Variants in DNAI4 observed in about 807,000 individuals in gnomAD.
DNAI4 encodes the protein dynein axonemal intermediate chain 4, also known as WD repeat domain 78.
DNAI4 carries 85 observed loss-of-function variants against 105.8 expected under a neutral mutation model. That is an observed-to-expected ratio of 0.80 (90% CI 0.67 to 0.96). The LOEUF (loss-of-function observed/expected upper bound fraction) is 0.96, where lower values mean the gene tolerates loss of function less well. Among genes scored for constraint, DNAI4 ranks in the 40% least tolerant of loss-of-function variants. DNAI4 has a pLI of 0.00. For missense variants in DNAI4, 1,014 were observed against 1,005.6 expected (o/e 1.01, Z -0.11); for synonymous variants, 352 against 331.5 (o/e 1.06, Z -0.67).
At chr1:66,899,356 A>G (rs1648610774) in intron 2 of DNAI4, among the ~76,000 whole-genome samples, 1 of 152,196 alleles carries the variant, frequency 6.6e-6, no homozygotes, top group African/African-American at 2.4e-5. Context: ...AACAACGTCC[A>G]CCATATTTTC....
chr1:66,816,851 C>T (rs191773289), intron 16 of DNAI4, among the ~76,000 whole-genome samples: 7 of 151,382 alleles, frequency 4.6e-5, no homozygotes, highest in African/African-American at 9.7e-5. Context: ...TAAAAGATTG[C>T]ATAACCAATT....
intron 15 of DNAI4, among the ~76,000 whole-genome samples, chr1:66,824,478 G>A (rs2100350320): frequency 6.6e-6 from 1 of 152,146 alleles, no homozygotes; most frequent in Non-Finnish European, 1.5e-5. Flanking sequence ...GGATGGCATT[G>A]AATCTGTAAA....
At chr1:66,838,684 A>G (rs929158728) in intron 9 of DNAI4, among the ~76,000 whole-genome samples, 1 of 152,200 alleles carries the variant, frequency 6.6e-6, no homozygotes, top group Non-Finnish European at 1.5e-5. Context: ...TTTCAGGCCA[A>G]CGTAATCTCT....
In DNAI4 at chr1:66,836,186, AAGAAAGAAAGAAAGAAAGAAAGAGAG is replaced by A. The variant is rs1298932936; in HGVS notation, c.1582-435_1582-410del. The stretch of plus-strand genomic sequence containing the variant: ...AAAGAAAGAAAGAAAGAAAGAAAGA[AAGAAAGAAAGAAAGAAAGAAAGAGAG>A]AGAGAGAGAGAGAGAGAGAGAGAAA... On this transcript the variant is annotated intron_variant, in intron 10 of 16. Transcript: ENST00000371026. Among the ~76,000 whole-genome samples, 621 of 65,714 alleles carry A rather than the reference AAGAAAGAAAGAAAGAAAGAAAGAGAG, an allele frequency of 9.5e-3. 10 individuals are homozygous for A. Among genetic ancestry groups the A allele is most frequent in the East Asian group, 0.023 (77 of 3,310 alleles). 43.1% of individuals were successfully genotyped at this position (65,714 alleles called of 152,430 possible).
At position 66,871,405 on chromosome 1, in the gene DNAI4, T is replaced by A; in HGVS notation, c.905A>T (p.Asp302Val). Residue 302 changes from aspartate (D) to valine (V), a missense_variant, in exon 6 of 17, where the codon GAT becomes GTT. By Grantham distance (152) the Asp-to-Val change is radical (BLOSUM62 -3). Transcript: ENST00000371026. ...QTFNGAPKNKDVQCDKIIMED... is the reference protein window; with the variant it reads ...QTFNGAPKNKVVQCDKIIMED... Reference sequence around the variant, plus strand: ...CATTATGATTTTATCACATTGAACATCTTTATTCTTTGGTGCTCCATTGAA... The same window carrying A: ...CATTATGATTTTATCACATTGAACAACTTTATTCTTTGGTGCTCCATTGAA... 1 of 1,611,342 alleles carries A rather than the reference T, an allele frequency of 6.2e-7. No homozygotes were observed. Among genetic ancestry groups the A allele is most frequent in the Non-Finnish European group, 8.5e-7 (1 of 1,178,442 alleles).
chr1:66,886,256 A>G (rs898141990), intron 4 of DNAI4, among the ~76,000 whole-genome samples: 2 of 152,168 alleles, frequency 1.3e-5, no homozygotes, highest in Admixed American at 6.5e-5. Flanking sequence ...TTTCTCCATT[A>G]GATCTCTTAA....
chr1:66,910,917 T>G (rs1479080822), intron 1 of DNAI4, among the ~76,000 whole-genome samples: 2 of 152,202 alleles, frequency 1.3e-5, no homozygotes, highest in African/African-American at 4.8e-5. Context: ...CAGATTTCTG[T>G]GGCCAAATGC....
At position 66,835,777 on chromosome 1, in the gene DNAI4, A is replaced by G. The variant is rs763438950; in HGVS notation, c.1582T>C (p.Trp528Arg). The change falls in exon 11 of 17, where the codon TGG becomes CGG. Residue 528 changes from tryptophan to arginine, a missense_variant and splice_region_variant. Coordinates refer to ENST00000371026, the MANE Select transcript of DNAI4 (RefSeq NM_024763.5). ...ACCWSIKNPMWPERIYQSPYG... is the reference protein window; with the variant it reads ...ACCWSIKNPMRPERIYQSPYG... ...GGACTCTGATAAATACGTTCTGGCC[A>G]CTAAATTTTAAAAAATTACATTTTC... 1.2e-6 allele frequency: 2 copies of G among 1,613,116 alleles called. No individual in the cohort carries two copies. Among genetic ancestry groups the G allele is most frequent in the Non-Finnish European group, 1.7e-6 (2 of 1,179,716 alleles).
intron 7 of DNAI4, among the ~76,000 whole-genome samples, chr1:66,855,719 A>C (rs1646486437): frequency 6.6e-6 from 1 of 152,228 alleles, no homozygotes; most frequent in Admixed American, 6.5e-5. Context: ...TGTAAAGCCC[A>C]CTGATAGAGT....
chr1:66,877,054 AT>A (rs2100690036), intron 4 of DNAI4, among the ~76,000 whole-genome samples: 1 of 152,198 alleles, frequency 6.6e-6, no homozygotes, highest in African/African-American at 2.4e-5. Context: ...CCCTTATCAT[AT>A]TTTTCAATTA....
At chr1:66,903,052 A>C (rs1213783170) in intron 2 of DNAI4, among the ~76,000 whole-genome samples, 2 of 152,222 alleles carry the variant, frequency 1.3e-5, no homozygotes, top group African/African-American at 4.8e-5. Flanking sequence ...TATACATTTT[A>C]GGATAGGTTT....
intron 1 of DNAI4, chr1:66,921,526 G>A (rs936112409): frequency 3.3e-5 from 5 of 152,116 alleles, no homozygotes; most frequent in African/African-American, 1.2e-4. Flanking sequence ...ACTACTTCCC[G>A]TCTCCCACCC....
intron 1 of DNAI4, among the ~76,000 whole-genome samples, chr1:66,921,964 C>G (rs1018405658): frequency 6.8e-6 from 1 of 147,968 alleles, no homozygotes; most frequent in African/African-American, 2.5e-5. Context: ...TGGCAGTGAT[C>G]ACGGATCACT....
At chr1:66,913,253 T>C (rs2182143) in intron 1 of DNAI4, among the ~76,000 whole-genome samples, 118,551 of 152,056 alleles carry the variant, frequency 0.78, 46,557 homozygotes, top group East Asian at 0.88. Flanking sequence ...ACAATTAGAG[T>C]GCTCAGTGAT....
chr1:66,836,356 G>A (rs1354662512), intron 10 of DNAI4, among the ~76,000 whole-genome samples: 1 of 151,802 alleles, frequency 6.6e-6, no homozygotes, highest in Non-Finnish European at 1.5e-5. Flanking sequence ...AGGAAAGTAG[G>A]AAGGGAAGTA....
At chr1:66,884,654 TTCA>T (rs1483799359) in intron 4 of DNAI4, among the ~76,000 whole-genome samples, 2 of 152,192 alleles carry the variant, frequency 1.3e-5, no homozygotes, top group African/African-American at 4.8e-5. Flanking sequence ...TGCATCCATG[TTCA>T]TCAAGGATAT....
At chr1:66,859,596 C>T (rs1646581853) in intron 7 of DNAI4, among the ~76,000 whole-genome samples, 1 of 152,108 alleles carries the variant, frequency 6.6e-6, no homozygotes, top group Non-Finnish European at 1.5e-5. Context: ...GTACACTCAT[C>T]CAATGGAATA....
At chr1:66,893,055 G>A (rs56296241) in intron 3 of DNAI4, among the ~76,000 whole-genome samples, 174 bp downstream of exon 3, 23 of 80,764 alleles carry the variant, frequency 2.8e-4, no homozygotes, top group African/African-American at 1.2e-3. Flanking sequence ...AAGAAAGAAA[G>A]AGAGAGAGAG....
In DNAI4 at chr1:66,837,813, T is replaced by C. The variant is rs969516983; in HGVS notation, c.1495-17A>G. 2 of 1,588,308 alleles carry C rather than the reference T, an allele frequency of 1.3e-6. No individual in the cohort carries two copies. Among genetic ancestry groups the C allele is most frequent in the East Asian group, 2.3e-5 (1 of 44,420 alleles). ...CAAAAGATCCTGAAAACCAGAAAAA[T>C]ACATTTAAAAATAAGAGAAGATAGC... is the stretch of plus-strand genomic sequence containing the variant. On this transcript the variant is annotated splice_polypyrimidine_tract_variant and intron_variant, in intron 9 of 16. Transcript: ENST00000371026.
Sources: gnomAD v4.1 joint callset for allele counts (sites outside exome capture counted in the v4.1 genomes callset) on GRCh38, gnomAD v4.1.1 for gene constraint, MANE v1.5 for transcripts, NCBI Gene and HGNC (gene_info 2026-07-23, HGNC 2026-07-21) for gene names.